Variants in TRHDE observed in about 807,000 individuals in gnomAD.
TRHDE encodes thyrotropin releasing hormone degrading enzyme.
TRHDE carries 72 observed loss-of-function variants against 125.7 expected under a neutral mutation model. The ratio of observed to expected loss-of-function variants is 0.57; its 90% CI spans 0.47 to 0.70. The LOEUF (loss-of-function observed/expected upper bound fraction) is 0.70. TRHDE is among the 30% of genes least tolerant of loss of function. The pLI is 0.00. For synonymous variants in TRHDE, 509 were observed against 509.1 expected (o/e 1.00, Z 0.00); for missense variants, 1,110 against 1,327.1 (o/e 0.84, Z 2.54).
intron 6 of TRHDE, among the ~76,000 whole-genome samples, chr12:72,519,075 A>T (rs1879038818): frequency 6.6e-6 from 1 of 152,114 alleles, no homozygotes; most frequent in South Asian, 2.1e-4. Flanking sequence ...GGCTGCCCTT[A>T]ACATTTTTTC....
At chr12:72,532,783 G>T (rs972155213) in intron 6 of TRHDE, among the ~76,000 whole-genome samples, 3 of 149,148 alleles carry the variant, frequency 2.0e-5, no homozygotes, top group South Asian at 2.1e-4. Context: ...ATTATATATA[G>T]ATTATATTAT....
chr12:72,654,182 TAC>T (rs768528362), intron 17 of TRHDE, among the ~76,000 whole-genome samples: 1 of 152,146 alleles, frequency 6.6e-6, no homozygotes, highest in Non-Finnish European at 1.5e-5. Flanking sequence ...CATCTACCAA[TAC>T]ACAGTTTCTT....
chr12:72,616,752 G>GT (rs1328533062), intron 12 of TRHDE, among the ~76,000 whole-genome samples: 6 of 152,090 alleles, frequency 3.9e-5, no homozygotes, highest in South Asian at 2.1e-4. Flanking sequence ...CTTACTAAAA[G>GT]TTTTTTTAAA....
rs1034869103 is a variant in TRHDE, at chr12:72,636,117, G to C, written c.2675+14366G>C. 1.0e-3 allele frequency among the ~76,000 whole-genome samples: 152 copies of C among 152,160 alleles called. 1 individual carries two copies. Among genetic ancestry groups the C allele is most frequent in the Non-Finnish European group, 1.3e-3 (91 of 67,984 alleles). On this transcript the variant is annotated intron_variant, in intron 15 of 18. Transcript: ENST00000261180. ...GCAGTATGGCCATTTTCATGATATTGATTCTTCCTACCCATGAGCATGGAA... is the reference window on the plus strand; with the variant it reads ...GCAGTATGGCCATTTTCATGATATTCATTCTTCCTACCCATGAGCATGGAA...
At chr12:72,649,648 G>A (rs890833444) in intron 15 of TRHDE, among the ~76,000 whole-genome samples, 8 of 152,116 alleles carry the variant, frequency 5.3e-5, no homozygotes, top group Admixed American at 5.2e-4. Context: ...ATCTGAATAA[G>A]GGTTTATCTC....
chr12:72,358,915 G>C (rs961561586), intron 2 of TRHDE, among the ~76,000 whole-genome samples: 5 of 151,446 alleles, frequency 3.3e-5, no homozygotes, highest in Admixed American at 2.0e-4. Flanking sequence ...AAGCTATCAA[G>C]AACCTTAAAG....
chr12:72,274,558 T>G (rs1768188802), intron 1 of TRHDE: 1 of 152,176 alleles, frequency 6.6e-6, no homozygotes, highest in Non-Finnish European at 1.5e-5. Context: ...TGCACGCCCA[T>G]GTACTCAATC....
intron 3 of TRHDE, among the ~76,000 whole-genome samples, chr12:72,441,659 C>A (rs535772069): frequency 6.6e-6 from 1 of 151,916 alleles, no homozygotes; most frequent in African/African-American, 2.4e-5. Context: ...ATGAAGAGAG[C>A]TGTTATAGGT....
chr12:72,261,568 A>G (rs1878951341), intron 2 of TRHDE, among the ~76,000 whole-genome samples: 1 of 152,064 alleles, frequency 6.6e-6, no homozygotes, highest in Admixed American at 6.6e-5. Flanking sequence ...TTACTTTTAG[A>G]TATTTATTGT....
intron 1 of TRHDE, among the ~76,000 whole-genome samples, chr12:72,099,095 G>T (rs190735869): frequency 2.0e-5 from 3 of 152,086 alleles, no homozygotes; most frequent in Admixed American, 2.0e-4. Flanking sequence ...AACCCGGGAG[G>T]TGGAGGTTGC....
At chr12:72,200,380 A>C (rs1203593180) in intron 2 of TRHDE, among the ~76,000 whole-genome samples, 3 of 152,216 alleles carry the variant, frequency 2.0e-5, no homozygotes, top group Non-Finnish European at 4.4e-5. Context: ...GAAGTCTATC[A>C]TAAGAGGGCT....
chr12:72,569,096 A>G (rs919874956), intron 10 of TRHDE, among the ~76,000 whole-genome samples: 5 of 152,162 alleles, frequency 3.3e-5, no homozygotes, highest in Non-Finnish European at 7.4e-5. Flanking sequence ...TTATATAATT[A>G]CAGGGCCAGA....
chr12:72,370,956 G>A (rs12424953), intron 2 of TRHDE, among the ~76,000 whole-genome samples: 9,607 of 151,940 alleles, frequency 0.063, 655 homozygotes, highest in African/African-American at 0.16. Context: ...TTGGCCATGC[G>A]GGTCTCGAAA....
At chr12:72,501,677 T>G (rs912228284) in intron 6 of TRHDE, among the ~76,000 whole-genome samples, 7 of 152,092 alleles carry the variant, frequency 4.6e-5, no homozygotes, top group Admixed American at 4.6e-4. Flanking sequence ...TTTCACCTTG[T>G]TGTCACTATA....
chr12:72,143,656 A>AT (rs1332329076), intron 2 of TRHDE, among the ~76,000 whole-genome samples: 2 of 152,042 alleles, frequency 1.3e-5, no homozygotes, highest in Non-Finnish European at 2.9e-5. Flanking sequence ...CCATTGGGCC[A>AT]TTTTTATAGG....
chr12:72,281,866 C>A (rs1392718616), intron 1 of TRHDE, among the ~76,000 whole-genome samples: 1 of 152,158 alleles, frequency 6.6e-6, no homozygotes, highest in Non-Finnish European at 1.5e-5. Context: ...TAGTGAACTT[C>A]CGCAGAAATA....
intron 3 of TRHDE, among the ~76,000 whole-genome samples, chr12:72,416,465 C>G (rs1345841683): frequency 6.6e-6 from 1 of 151,930 alleles, no homozygotes; most frequent in African/African-American, 2.4e-5. Context: ...TTACCCACAC[C>G]AATGTCCTGG....
intron 3 of TRHDE, among the ~76,000 whole-genome samples, chr12:72,440,741 G>A: frequency 6.6e-6 from 1 of 151,824 alleles, no homozygotes. Context: ...CCCCCCTGCT[G>A]TATTCTTAGT....
chr12:72,430,534 C>T (rs1385899338), intron 3 of TRHDE, among the ~76,000 whole-genome samples: 3 of 150,932 alleles, frequency 2.0e-5, no homozygotes, highest in Admixed American at 6.6e-5. Context: ...ACTAATTCCA[C>T]ATTGGATTGT....
Sources: gnomAD v4.1 joint callset for allele counts (sites outside exome capture counted in the v4.1 genomes callset) on GRCh38, gnomAD v4.1.1 for gene constraint, MANE v1.5 for transcripts, NCBI Gene and HGNC (gene_info 2026-07-23, HGNC 2026-07-21) for gene names.